CTNNA3: variants seen among roughly 807,000 people sequenced by gnomAD.
The protein encoded by CTNNA3 is catenin alpha-3.
A neutral mutation model predicts 95.7 loss-of-function variants in CTNNA3; 76 were observed. That is an observed-to-expected ratio of 0.79 (90% CI 0.66 to 0.96). CTNNA3 has a LOEUF of 0.96. Ranked by LOEUF, CTNNA3 falls within the 40% of genes least tolerant of loss-of-function variation. CTNNA3 has a pLI of 0.00. For missense variants in CTNNA3, 1,191 were observed against 1,089.8 expected, an observed-to-expected ratio of 1.09 and a Z score of -1.31; for synonymous variants, 431 against 374.4, an observed-to-expected ratio of 1.15 and a Z score of -1.74.
intron 15 of CTNNA3, among the ~76,000 whole-genome samples, chr10:66,061,662 T>G (rs1038199109): frequency 2.6e-5 from 4 of 152,016 alleles, no homozygotes; most frequent in African/African-American, 9.7e-5. Context: ...TTTTTCATAT[T>G]TTTTTTCTTA....
intron 5 of CTNNA3, among the ~76,000 whole-genome samples, chr10:67,419,962 C>T (rs1257562389): frequency 3.3e-5 from 5 of 152,136 alleles, no homozygotes; most frequent in Non-Finnish European, 4.4e-5. Flanking sequence ...AGGGATTCTC[C>T]CACTTCAGCC....
At chr10:67,340,951 G>C (rs1459290606) in intron 5 of CTNNA3, among the ~76,000 whole-genome samples, 2 of 152,168 alleles carry the variant, frequency 1.3e-5, no homozygotes, top group Non-Finnish European at 2.9e-5. Flanking sequence ...AGCGTAAACA[G>C]AGTAAACAGG....
At chr10:66,096,992 T>G (rs1176651267) in intron 14 of CTNNA3, among the ~76,000 whole-genome samples, 1 of 152,168 alleles carries the variant, frequency 6.6e-6, no homozygotes, top group Admixed American at 6.5e-5. Flanking sequence ...TGACAACTAT[T>G]GGGTCAACTT....
At chr10:67,597,284 A>G (rs1046054533) in intron 3 of CTNNA3, among the ~76,000 whole-genome samples, 1 of 152,206 alleles carries the variant, frequency 6.6e-6, no homozygotes, top group Non-Finnish European at 1.5e-5. Flanking sequence ...CAGTTGGGTT[A>G]AAAACCACTG....
At chr10:67,590,662 C>T (rs925238463) in intron 3 of CTNNA3, among the ~76,000 whole-genome samples, 1 of 152,030 alleles carries the variant, frequency 6.6e-6, no homozygotes, top group Non-Finnish European at 1.5e-5. Context: ...TCTTTATATT[C>T]TTATTGATGT....
chr10:67,638,077 TAA>T (rs1228436101), intron 2 of CTNNA3, among the ~76,000 whole-genome samples: 48 of 152,106 alleles, frequency 3.2e-4, no homozygotes, highest in Non-Finnish European at 5.7e-4. Flanking sequence ...GCAAATTGGA[TAA>T]AGAGTCAAGA....
At chr10:66,960,737 C>T (rs1849063954) in intron 7 of CTNNA3, among the ~76,000 whole-genome samples, 1 of 152,198 alleles carries the variant, frequency 6.6e-6, no homozygotes, top group African/African-American at 2.4e-5. Flanking sequence ...AAATACAGAA[C>T]AGAACAGAAT....
At chr10:66,677,374 A>T (rs1218469637) in intron 9 of CTNNA3, among the ~76,000 whole-genome samples, 1 of 148,140 alleles carries the variant, frequency 6.8e-6, no homozygotes, top group African/African-American at 2.5e-5. Context: ...AATGAAATAA[A>T]AAATAATTTT....
At chr10:67,411,383 C>CA in intron 5 of CTNNA3, among the ~76,000 whole-genome samples, 1 of 152,014 alleles carries the variant, frequency 6.6e-6, no homozygotes, top group South Asian at 2.1e-4. Flanking sequence ...TTAATATGAC[C>CA]AAAACTGAGT....
At chr10:67,370,897 C>T (rs1446554332) in intron 5 of CTNNA3, among the ~76,000 whole-genome samples, 3 of 144,438 alleles carry the variant, frequency 2.1e-5, no homozygotes, top group East Asian at 2.0e-4. Flanking sequence ...GACAGAGTCT[C>T]GCTCTGTCGC....
At chr10:67,012,080 G>A (rs546833545) in intron 7 of CTNNA3, among the ~76,000 whole-genome samples, 30 of 152,250 alleles carry the variant, frequency 2.0e-4, no homozygotes, top group South Asian at 4.1e-4. Flanking sequence ...CACAAGCTCC[G>A]TAGATACAAG....
intron 11 of CTNNA3, among the ~76,000 whole-genome samples, chr10:66,429,118 G>A (rs10997121): frequency 0.038 from 5,629 of 149,320 alleles, 347 homozygotes; most frequent in African/African-American, 0.13. Context: ...AGAGAATACT[G>A]TAAACACCTC....
Position 66,222,599 on chromosome 10 carries a change from C to CGAAAGAAAGAAAGAAAGAAAGAAA in CTNNA3, c.1884+57847_1884+57870dup, listed in dbSNP as rs67153927. Among the ~76,000 whole-genome samples the CGAAAGAAAGAAAGAAAGAAAGAAA allele has an allele frequency of 5.2e-3, 434 of 82,890 alleles. 2 individuals carry two copies. Among genetic ancestry groups the CGAAAGAAAGAAAGAAAGAAAGAAA allele is most frequent in the Non-Finnish European group, 7.0e-3 (260 of 37,206 alleles). 54.4% of individuals were successfully genotyped at this position (82,890 alleles called of 152,430 possible). ...GAAAGAAGGAAAGAAAAAGAAAGAA[C>CGAAAGAAAGAAAGAAAGAAAGAAA]GAAAGAAAGAAAGAAAGAAAGAAAA... On this transcript the variant is annotated intron_variant, in intron 13 of 17. Transcript: ENST00000433211.
Position 67,542,881 on chromosome 10 carries a change from G to A in CTNNA3, c.293-3212C>T, listed in dbSNP as rs568902863. 1.6e-4 allele frequency among the ~76,000 whole-genome samples: 24 copies of A among 152,184 alleles called. 1 individual carries two copies. The highest frequency in any genetic ancestry group is 5.5e-4 in the African/African-American group (23 of 41,552). ...ATTTTCCTAATTAAATAGAAAAAAA[G>A]GTACAGGTTTCCTTTCCATCTAGAA... On this transcript the variant is annotated intron_variant, in intron 3 of 17. Coordinates refer to ENST00000433211, the MANE Select transcript of CTNNA3 (RefSeq NM_013266.4).
At position 67,763,139 on chromosome 10, in the gene CTNNA3, A is replaced by G. The variant is rs12412760; in HGVS notation, c.-2+295T>C. Among the ~76,000 whole-genome samples, 5,024 of 152,240 alleles carry G rather than the reference A, an allele frequency of 0.033. 599 individuals are homozygous for G. In the East Asian group the frequency reaches 0.44, roughly 13 times the overall value. On this transcript the variant is annotated intron_variant, in intron 1 of 17. Coordinates refer to the CTNNA3 transcript ENST00000684154. ...AAAAACAAAAATGTAGTTCTTGGAC[A>G]ATATCTATTGGAAAAAGTGCAAGTG...
At chr10:66,628,001 T>C (rs973179892) in intron 9 of CTNNA3, among the ~76,000 whole-genome samples, 1 of 152,102 alleles carries the variant, frequency 6.6e-6, no homozygotes, top group East Asian at 1.9e-4. Context: ...AGGATCCATA[T>C]CTTTATCTTC....
intron 12 of CTNNA3, among the ~76,000 whole-genome samples, chr10:66,365,577 T>G (rs893801494): frequency 6.6e-6 from 1 of 152,172 alleles, no homozygotes; most frequent in Admixed American, 6.6e-5. Context: ...TGGGACCATA[T>G]GAAGCATATC....
intron 5 of CTNNA3, among the ~76,000 whole-genome samples, chr10:67,507,914 T>C (rs1406260402): frequency 1.3e-5 from 2 of 152,114 alleles, no homozygotes; most frequent in African/African-American, 4.8e-5. Context: ...TATAAACAAC[T>C]CAATAGATGC....
chr10:66,165,902 G>C (rs2085101926), intron 13 of CTNNA3, among the ~76,000 whole-genome samples: 1 of 151,652 alleles, frequency 6.6e-6, no homozygotes, highest in South Asian at 2.1e-4. Flanking sequence ...CAAGTAGCTG[G>C]GATTACAGGC....
Sources: allele counts gnomAD v4.1 joint callset (sites outside exome capture counted in the v4.1 genomes callset), GRCh38; gene constraint gnomAD v4.1.1; transcripts MANE v1.5; gene names NCBI Gene and HGNC (gene_info 2026-07-23, HGNC 2026-07-21).